ATP11A: variants seen among roughly 807,000 people sequenced by gnomAD.
The protein encoded by ATP11A is phospholipid-transporting ATPase IH.
A neutral mutation model predicts 154.4 loss-of-function variants in ATP11A; 81 were observed. The observed-to-expected ratio is 0.52, with a 90% CI of 0.44 to 0.63. The LOEUF is 0.63. Among genes scored for constraint, ATP11A ranks in the 30% least tolerant of loss-of-function variants. The pLI, the probability that ATP11A is intolerant of heterozygous loss-of-function variation, is 0.00. For synonymous variants in ATP11A, 623 were observed against 585.9 expected, an observed-to-expected ratio of 1.06 and a Z score of -0.91; for missense variants, 1,316 against 1,474.3, an observed-to-expected ratio of 0.89 and a Z score of 1.76.
chr13:112,768,049 G>A (rs752461170), intron 1 of ATP11A, among the ~76,000 whole-genome samples: 35 of 152,188 alleles, frequency 2.3e-4, no homozygotes, highest in Non-Finnish European at 3.5e-4. Context: ...CCTGGGATCC[G>A]TGTCCTCCTG....
rs1054505454 is a variant in ATP11A, at chr13:112,698,529, C to T, written c.39+8074C>T. Among the ~76,000 whole-genome samples the T allele has an allele frequency of 1.0e-3, 157 of 152,148 alleles. 1 individual carries two copies. Among genetic ancestry groups the T allele is most frequent in the Admixed American group, 9.2e-3 (141 of 15,278 alleles). On this transcript the variant is annotated intron_variant, in intron 1 of 29. Transcript: ENST00000375645. ...ACATATCCTGAGAAGGAAGCCCTGG[C>T]AGCCCGACCTGAGAGAGGGTGATGT...
At chr13:112,736,658 G>A (rs1384290236) in intron 1 of ATP11A, among the ~76,000 whole-genome samples, 1 of 152,184 alleles carries the variant, frequency 6.6e-6, no homozygotes, top group Admixed American at 6.5e-5. Flanking sequence ...TGAGTGTGCA[G>A]GTTTTCTATA....
intron 4 of ATP11A, among the ~76,000 whole-genome samples, chr13:112,810,047 C>G (rs534761695): frequency 6.8e-4 from 103 of 152,318 alleles, no homozygotes; most frequent in African/African-American, 2.3e-3. Flanking sequence ...CGGAAACGCA[C>G]AGAGAGCCTT....
chr13:112,690,675 C>T lies in ATP11A; in HGVS notation c.39+220C>T, dbSNP rs1346180303. Reference sequence around the variant, plus strand: ...GTCTAGGTGGGCACAGCGCGGGGCCCCAGCCCCGGGCGGCCACCTGCTCCC... The same window carrying T: ...GTCTAGGTGGGCACAGCGCGGGGCCTCAGCCCCGGGCGGCCACCTGCTCCC... On this transcript the variant is annotated intron_variant, in intron 1 of 29. Transcript: ENST00000375645. This position sits in a 1 kb window ranked among gnomAD's most constrained non-coding sequence, Gnocchi z 5.6. Among the ~76,000 whole-genome samples, 2 of 151,944 alleles carry T rather than the reference C, an allele frequency of 1.3e-5. No homozygotes were observed. Among genetic ancestry groups the T allele is most frequent in the African/African-American group, 2.4e-5 (1 of 41,398 alleles).
At chr13:112,756,077 CCA>C (rs2076823904) in intron 1 of ATP11A, among the ~76,000 whole-genome samples, 2 of 152,260 alleles carry the variant, frequency 1.3e-5, no homozygotes, top group African/African-American at 4.8e-5. Flanking sequence ...AGAATCATTT[CCA>C]GTCATGGAAG....
In ATP11A at chr13:112,690,554, G is replaced by A. The variant is rs1287090430; in HGVS notation, c.39+99G>A. 2 of 1,172,142 alleles carry A rather than the reference G, an allele frequency of 1.7e-6. No individual in the cohort carries two copies. The highest frequency in any genetic ancestry group is 6.5e-5 in the East Asian group (2 of 30,580). 72.6% of individuals were successfully genotyped at this position (1,172,142 alleles called of 1,614,324 possible). On this transcript the variant is annotated intron_variant, in intron 1 of 29. Coordinates refer to ENST00000375645, the MANE Select transcript of ATP11A (RefSeq NM_015205.3). The surrounding 1 kb of genome is among the most constrained non-coding windows in gnomAD (Gnocchi z 5.6). ...GTGGCCGGTCCAGCCCCGGGGTCCC[G>A]GGAGGTCTCCGATGTCTGGGACTCG...
chr13:112,755,216 G>A (rs1288940930), intron 1 of ATP11A, among the ~76,000 whole-genome samples: 1 of 152,178 alleles, frequency 6.6e-6, no homozygotes, highest in Non-Finnish European at 1.5e-5. Context: ...ACACAGACAG[G>A]CTGCAGGCTG....
At position 112,825,588 on chromosome 13, in the gene ATP11A, G is replaced by A; in HGVS notation, c.1023+8G>A. On this transcript the variant is annotated splice_region_variant and intron_variant, in intron 11 of 29. Coordinates refer to ENST00000375645, the MANE Select transcript of ATP11A (RefSeq NM_015205.3). The stretch of plus-strand genomic sequence containing the variant: ...GAAAGGCAGAGGAATCTGGTATGGA[G>A]AATCACTGCCCTTGTATGATCCGAG... The A allele has an allele frequency of 1.2e-6, 2 of 1,610,618 alleles. No individual in the cohort carries two copies. Among genetic ancestry groups the A allele is most frequent in the Non-Finnish European group, 1.7e-6 (2 of 1,178,678 alleles).
At chr13:112,780,592 G>C (rs377508734) in intron 1 of ATP11A, among the ~76,000 whole-genome samples, 1 of 152,084 alleles carries the variant, frequency 6.6e-6, no homozygotes, top group Non-Finnish European at 1.5e-5. Context: ...GAACCTTCTC[G>C]CCGAATTTTT....
At chr13:112,858,016 C>T in intron 21 of ATP11A, 96 bp downstream of exon 21, 2 of 1,566,464 alleles carry the variant, frequency 1.3e-6, no homozygotes, top group African/African-American at 1.4e-5. Flanking sequence ...TTCAGGACAC[C>T]CCCGTCACCA....
intron 1 of ATP11A, among the ~76,000 whole-genome samples, chr13:112,724,933 C>T (rs1373568174): frequency 6.6e-6 from 1 of 152,212 alleles, no homozygotes; most frequent in Admixed American, 6.5e-5. Flanking sequence ...CTGCTCCAGC[C>T]ACCCCTGCGG....
intron 1 of ATP11A, among the ~76,000 whole-genome samples, chr13:112,724,201 A>G (rs547914923): frequency 3.0e-5 from 4 of 134,096 alleles, no homozygotes; most frequent in Admixed American, 1.6e-4. Context: ...CATCGGCACC[A>G]TCGCCCCATT....
At chr13:112,809,737 C>T (rs2078435318) in intron 4 of ATP11A, among the ~76,000 whole-genome samples, 1 of 152,214 alleles carries the variant, frequency 6.6e-6, no homozygotes, top group South Asian at 2.1e-4. Context: ...CGGCATTCCC[C>T]ATCCTTATCT....
rs1387725449 is a variant in ATP11A, at chr13:112,875,498, T to G, written c.3162-278T>G. On this transcript the variant is annotated intron_variant, in intron 27 of 29. Coordinates refer to ENST00000375645, the MANE Select transcript of ATP11A (RefSeq NM_015205.3). The surrounding 1 kb of genome is among the most constrained non-coding windows in gnomAD (Gnocchi z 4.1). ...CCTTTGTGTTTTGTTTTTTGTTTTT[T>G]TTTTTTTTGCTTCTGTGAAACTGAA... 6.6e-6 allele frequency among the ~76,000 whole-genome samples: 1 copy of G among 151,688 alleles called. No homozygotes were observed. The highest frequency in any genetic ancestry group is 1.5e-5 in the Non-Finnish European group (1 of 67,888).
In ATP11A at chr13:112,701,062, TG is replaced by T. The variant is rs1445343578; in HGVS notation, c.39+10613del. Among the ~76,000 whole-genome samples, 8 of 152,176 alleles carry T rather than the reference TG, an allele frequency of 5.3e-5. No homozygotes were observed. In the East Asian group the frequency reaches 1.2e-3, roughly 22 times the overall value. On this transcript the variant is annotated intron_variant, in intron 1 of 29. Coordinates refer to ENST00000375645, the MANE Select transcript of ATP11A (RefSeq NM_015205.3). ...CGCTGCGGCCCTTTCAGGAGGACGT[TG>T]GGGGGCAGGAGTGGCCGGCGGCCAC...
At chr13:112,858,474 C>A in intron 22 of ATP11A, 184 bp downstream of exon 22, 2 of 617,892 alleles carry the variant, frequency 3.2e-6, no homozygotes, top group Non-Finnish European at 5.2e-6. Flanking sequence ...TTGCTTTTTA[C>A]AGTTTCCATT....
At chr13:112,741,443 C>A (rs1372404379) in intron 1 of ATP11A, among the ~76,000 whole-genome samples, 6 of 152,144 alleles carry the variant, frequency 3.9e-5, no homozygotes, top group Non-Finnish European at 8.8e-5. Context: ...GGCTGTGGGG[C>A]AGATGAACTC....
At chr13:112,770,086 CT>C (rs1594623855) in intron 1 of ATP11A, among the ~76,000 whole-genome samples, 1 of 152,228 alleles carries the variant, frequency 6.6e-6, no homozygotes, top group Non-Finnish European at 1.5e-5. Context: ...GTCACCGGCT[CT>C]TTTCCTCTGT....
intron 1 of ATP11A, among the ~76,000 whole-genome samples, chr13:112,719,564 G>A (rs1369502224): frequency 6.6e-6 from 1 of 152,186 alleles, no homozygotes; most frequent in African/African-American, 2.4e-5. Flanking sequence ...TCTACATAAT[G>A]AGAGCTCCCA....
Sources: gnomAD v4.1 joint callset for allele counts (sites outside exome capture counted in the v4.1 genomes callset) on GRCh38, gnomAD v4.1.1 for gene constraint, Gnocchi (gnomAD v3.1) non-coding constraint, MANE v1.5 for transcripts, NCBI Gene and HGNC (gene_info 2026-07-23, HGNC 2026-07-21) for gene names.